ITFG1: variants seen among roughly 807,000 people sequenced by gnomAD.
ITFG1 encodes integrin alpha FG-GAP repeat containing 1, also known as T-cell immunomodulatory protein.
In ITFG1, 34 loss-of-function variants were observed where a neutral mutation model predicts 81.8. That is an observed-to-expected ratio of 0.42 (90% CI 0.32 to 0.55). ITFG1 has a LOEUF of 0.55. Among genes scored for constraint, ITFG1 ranks in the 20% least tolerant of loss-of-function variants. The pLI is 0.17. For missense variants in ITFG1, 672 were observed against 755.4 expected (o/e 0.89, Z 1.29); for synonymous variants, 285 against 270.6 (o/e 1.05, Z -0.52).
At chr16:47,167,451 G>T (rs1431515091) in intron 14 of ITFG1, among the ~76,000 whole-genome samples, 1 of 152,146 alleles carries the variant, frequency 6.6e-6, no homozygotes, top group Admixed American at 6.5e-5. Context: ...CACCACAAAA[G>T]AAGTAAAAAT....
intron 6 of ITFG1, among the ~76,000 whole-genome samples, chr16:47,405,673 G>A (rs1351567971): frequency 6.6e-6 from 1 of 152,198 alleles, no homozygotes; most frequent in Non-Finnish European, 1.5e-5. Context: ...TCTGTAAGGT[G>A]ATTGTGAGGA....
chr16:47,223,376 A>G (rs1965717089), intron 13 of ITFG1, among the ~76,000 whole-genome samples: 1 of 152,224 alleles, frequency 6.6e-6, no homozygotes, highest in Non-Finnish European at 1.5e-5. Flanking sequence ...AATGAACTCA[A>G]ACAAATTTAC....
At chr16:47,421,496 A>G (rs1291057468) in intron 6 of ITFG1, among the ~76,000 whole-genome samples, 2 of 151,894 alleles carry the variant, frequency 1.3e-5, no homozygotes, top group Non-Finnish European at 2.9e-5. Flanking sequence ...GTAGAGACAG[A>G]GTTTCAGAAT....
intron 10 of ITFG1, among the ~76,000 whole-genome samples, chr16:47,297,260 T>C (rs994317740): frequency 6.6e-6 from 1 of 152,196 alleles, no homozygotes; most frequent in Non-Finnish European, 1.5e-5. Context: ...TTGGTTTCCA[T>C]TCATGTGAGG....
At chr16:47,230,734 G>A (rs1046397204) in intron 13 of ITFG1, among the ~76,000 whole-genome samples, 4 of 152,132 alleles carry the variant, frequency 2.6e-5, no homozygotes, top group African/African-American at 7.2e-5. Flanking sequence ...TGCTGCAGAG[G>A]TCAACTGACA....
At chr16:47,369,526 T>G (rs1567476902) in intron 7 of ITFG1, among the ~76,000 whole-genome samples, 1 of 152,196 alleles carries the variant, frequency 6.6e-6, no homozygotes, top group Admixed American at 6.5e-5. Context: ...CTGCAAGTAC[T>G]TTTTTCACAG....
At chr16:47,237,936 A>G in intron 13 of ITFG1, 29 bp downstream of exon 13, 1 of 994,098 alleles carries the variant, frequency 1.0e-6, no homozygotes. Flanking sequence ...TTTCATAGAC[A>G]TATTTATAAC....
In ITFG1 at chr16:47,433,791, A is replaced by ATATATG. The variant is rs1172594013; in HGVS notation, c.561-4894_561-4893insCATATA. ...ACTGAATATATATATATATATATAT[A>ATATATG]TACACACACACACATACACACACGT... On this transcript the variant is annotated intron_variant, in intron 5 of 17. Coordinates refer to ENST00000320640, the MANE Select transcript of ITFG1 (RefSeq NM_030790.5). 4.8e-3 allele frequency among the ~76,000 whole-genome samples: 690 copies of ATATATG among 143,950 alleles called. 14 individuals are homozygous for ATATATG. The highest frequency in any genetic ancestry group is 0.017 in the African/African-American group (661 of 39,104). 94.4% of individuals were successfully genotyped at this position (143,950 alleles called of 152,430 possible).
chr16:47,181,337 G>A (rs561556051), intron 14 of ITFG1, among the ~76,000 whole-genome samples: 34 of 151,124 alleles, frequency 2.2e-4, no homozygotes, highest in Middle Eastern at 3.5e-3. Flanking sequence ...CAGCCGCCCC[G>A]TCCGGGAGGG....
At chr16:47,264,964 G>A (rs968995460) in intron 10 of ITFG1, among the ~76,000 whole-genome samples, 6 of 152,074 alleles carry the variant, frequency 3.9e-5, no homozygotes, top group African/African-American at 1.4e-4. Flanking sequence ...TTATCTGTTA[G>A]TCTCATATCC....
At chr16:47,328,471 T>C (rs886790912) in intron 8 of ITFG1, among the ~76,000 whole-genome samples, 1 of 151,852 alleles carries the variant, frequency 6.6e-6, no homozygotes, top group Non-Finnish European at 1.5e-5. Flanking sequence ...TAAAGTATAA[T>C]AATAATAATA....
At chr16:47,182,194 C>T (rs531331920) in intron 14 of ITFG1, among the ~76,000 whole-genome samples, 84 of 139,706 alleles carry the variant, frequency 6.0e-4, no homozygotes, top group African/African-American at 2.0e-3. Context: ...AAAAAAAAAA[C>T]AAAAAAACAG....
chr16:47,426,296 C>G (rs567920269), intron 6 of ITFG1: 2 of 151,888 alleles, frequency 1.3e-5, no homozygotes, highest in East Asian at 3.9e-4. Context: ...AAGGAAGTCT[C>G]ATACTATTGA....
At chr16:47,319,752 G>A (rs1224196379) in intron 8 of ITFG1, among the ~76,000 whole-genome samples, 2 of 152,150 alleles carry the variant, frequency 1.3e-5, no homozygotes, top group Non-Finnish European at 2.9e-5. Flanking sequence ...CTACTACTTT[G>A]ATTTGTGCTA....
chr16:47,176,865 TAACAA>T (rs1304408435), intron 14 of ITFG1, among the ~76,000 whole-genome samples: 2 of 152,274 alleles, frequency 1.3e-5, no homozygotes, highest in Admixed American at 1.3e-4. Context: ...GTGATAAAAT[TAACAA>T]TTAAAAAATA....
intron 13 of ITFG1, among the ~76,000 whole-genome samples, chr16:47,229,239 T>C (rs1332971915): frequency 6.6e-6 from 1 of 151,806 alleles, no homozygotes; most frequent in East Asian, 1.9e-4. Context: ...CAACTCTATG[T>C]CAAACGGAAG....
chr16:47,422,630 T>C (rs1471403145), intron 6 of ITFG1, among the ~76,000 whole-genome samples: 1 of 152,242 alleles, frequency 6.6e-6, no homozygotes, highest in Non-Finnish European at 1.5e-5. Flanking sequence ...CTGGACTTTC[T>C]TTGGTTGGTA....
intron 6 of ITFG1, among the ~76,000 whole-genome samples, chr16:47,401,195 C>G (rs1424972737): frequency 6.6e-6 from 1 of 152,084 alleles, no homozygotes; most frequent in Non-Finnish European, 1.5e-5. Flanking sequence ...AGAGAGGAGT[C>G]AAGAGTGACT....
chr16:47,348,165 C>A (rs1264800267), intron 8 of ITFG1, among the ~76,000 whole-genome samples: 1 of 152,176 alleles, frequency 6.6e-6, no homozygotes, highest in Non-Finnish European at 1.5e-5. Flanking sequence ...TCTCCTCCTC[C>A]AAAGGAACGC....
Sources: allele counts gnomAD v4.1 joint callset (sites outside exome capture counted in the v4.1 genomes callset), GRCh38; gene constraint gnomAD v4.1.1; transcripts MANE v1.5; gene names NCBI Gene and HGNC (gene_info 2026-07-23, HGNC 2026-07-21).